Variants in OCA2 observed in about 807,000 individuals in gnomAD.
OCA2 encodes the protein P protein.
OCA2 carries 77 observed loss-of-function variants against 100.2 expected under a neutral mutation model. The observed-to-expected ratio is 0.77, with a 90% CI of 0.64 to 0.93. The LOEUF (loss-of-function observed/expected upper bound fraction) is 0.93. OCA2 is among the 40% of genes least tolerant of loss of function. OCA2 has a pLI of 0.00. For missense variants in OCA2, 1,062 were observed against 1,089.1 expected, an observed-to-expected ratio of 0.98 and a Z score of 0.35; for synonymous variants, 432 against 439.2, an observed-to-expected ratio of 0.98 and a Z score of 0.21.
At chr15:27,822,303 T>G (rs1401231552) in intron 23 of OCA2, among the ~76,000 whole-genome samples, 1 of 152,226 alleles carries the variant, frequency 6.6e-6, no homozygotes, top group Non-Finnish European at 1.5e-5. Flanking sequence ...CACTTTTTTG[T>G]GTCTGGCTTC....
chr15:27,910,753 C>T (rs1363033966), intron 19 of OCA2, among the ~76,000 whole-genome samples: 3 of 151,022 alleles, frequency 2.0e-5, no homozygotes, highest in Middle Eastern at 3.4e-3. Context: ...GTCAGGAGTT[C>T]GAGACCAGCC....
chr15:27,913,835 A>AAAGG (rs1567097524), intron 19 of OCA2, among the ~76,000 whole-genome samples: 25 of 54,878 alleles, frequency 4.6e-4, no homozygotes, highest in African/African-American at 1.6e-3. Flanking sequence ...AGAAAGAAAG[A>AAAGG]AAGGAAAGAA....
rs375356614 is a variant in OCA2, at chr15:28,047,887, A to G, written c.228-15724T>C. On this transcript the variant is annotated intron_variant, in intron 2 of 23. Transcript: ENST00000354638. ...TGTAGAAAATCCCAAAGAATCCACA[A>G]GAAAGCTACTGAGCTAATAAATTAA... Among the ~76,000 whole-genome samples the G allele has an allele frequency of 9.8e-4, 150 of 152,374 alleles. 5 individuals are homozygous for G. The South Asian group carries it at 0.031, about 32-fold the overall frequency.
chr15:28,081,689 A>C lies in OCA2; in HGVS notation c.186T>G (p.Ala62=). ...PRGAAGQSSW[A]PAGQEFASFL... is the part of the protein sequence containing the mutation. ...ATGAAGCAAACTCCTGGCCTGCAGG[A>C]GCCCAAGAGCTCTGCCCGGCAGCCC... The change falls in exon 2 of 24, where the codon GCT becomes GCG. Residue 62 remains alanine, a synonymous_variant. Transcript: ENST00000354638. 1 of 1,613,878 alleles carries C rather than the reference A, an allele frequency of 6.2e-7. No individual in the cohort carries two copies. Among genetic ancestry groups the C allele is most frequent in the Non-Finnish European group, 8.5e-7 (1 of 1,180,024 alleles).
intron 23 of OCA2, among the ~76,000 whole-genome samples, chr15:27,837,786 C>T (rs2035207849): frequency 6.6e-6 from 1 of 150,630 alleles, no homozygotes; most frequent in Non-Finnish European, 1.5e-5. Context: ...CCATCAAAGC[C>T]TGGCAGGGGA....
intron 19 of OCA2, among the ~76,000 whole-genome samples, chr15:27,905,563 G>A (rs1296750021): frequency 2.0e-5 from 3 of 152,206 alleles, no homozygotes; most frequent in Non-Finnish European, 4.4e-5. Flanking sequence ...GGGCCCATCT[G>A]GGGGCATGCA....
Position 27,989,654 on chromosome 15 carries a change from T to G in OCA2, c.1129A>C (p.Thr377Pro). The change falls in exon 11 of 24, where the codon ACC becomes CCC. Residue 377 changes from threonine to proline, a missense_variant. Transcript: ENST00000354638. ...AAATCAATCCACTCCACCACATGGG[T>G]CAGGCTGGGTCTCTGCAATCAAAGC... Reference protein sequence around the residue: ...LAVIGDRPSLTHVVEWIDFET... With the variant: ...LAVIGDRPSLPHVVEWIDFET... The G allele has an allele frequency of 6.2e-7, 1 of 1,613,916 alleles. No homozygotes were observed. Among genetic ancestry groups the G allele is most frequent in the Non-Finnish European group, 8.5e-7 (1 of 1,179,948 alleles).
intron 19 of OCA2, among the ~76,000 whole-genome samples, chr15:27,904,393 G>A (rs953194754): frequency 6.6e-6 from 1 of 152,206 alleles, no homozygotes; most frequent in Non-Finnish European, 1.5e-5. Flanking sequence ...GAGCTTTGGA[G>A]GACGGAAGAA....
chr15:28,004,595 TAC>T (rs896208234), intron 9 of OCA2, among the ~76,000 whole-genome samples: 1 of 151,642 alleles, frequency 6.6e-6, no homozygotes, highest in African/African-American at 2.4e-5. Flanking sequence ...CTAACTGGTA[TAC>T]ACAGACACAA....
chr15:27,902,906 C>T (rs1205157998), intron 19 of OCA2, among the ~76,000 whole-genome samples: 2 of 152,240 alleles, frequency 1.3e-5, no homozygotes, highest in Non-Finnish European at 2.9e-5. Context: ...GCGTCCCTAG[C>T]TGACACCTGA....
rs747689027 is a variant in OCA2 at position 28,018,429 on chromosome 15, C to T, written c.775G>A (p.Ala259Thr). Residue 259 changes from alanine (A) to threonine (T), a missense_variant, in exon 7 of 24, where the codon GCT (alanine) becomes ACT (threonine). Ala to Thr is a moderately conservative substitution (Grantham distance 58). Transcript: ENST00000354638. ...HIVVELTQAD[A>T]LGSRWRRPQQ... The stretch of plus-strand genomic sequence containing the variant: ...GGCCGCCGCCACCTGGAGCCCAAAG[C>T]GTCAGCCTGGGTCAGCTCCACCACG... The T allele has an allele frequency of 6.2e-6, 10 of 1,614,030 alleles. No homozygotes were observed. In the East Asian group the frequency reaches 8.9e-5, roughly 14 times the overall value.
chr15:27,786,239 T>G (rs1456345617), intron 23 of OCA2, among the ~76,000 whole-genome samples: 1 of 152,196 alleles, frequency 6.6e-6, no homozygotes, highest in Middle Eastern at 3.2e-3. Context: ...TTGTTCTTCT[T>G]CAAGATGTTT....
At position 27,871,224 on chromosome 15, in the gene OCA2, A is replaced by G. The variant is rs1409507253; in HGVS notation, c.2174T>C (p.Ile725Thr). The G allele has an allele frequency of 6.2e-7, 1 of 1,614,164 alleles. No homozygotes were observed. Among genetic ancestry groups the G allele is most frequent in the South Asian group, 1.1e-5 (1 of 91,086 alleles). Residue 725 changes from isoleucine to threonine, a missense_variant, in exon 21 of 24, where the codon ATT (isoleucine) becomes ACT (threonine). Ile to Thr is a moderately conservative substitution (Grantham distance 89). Transcript: ENST00000354638. ...GGCTGAGACCCACACCACCAGGACA[A>G]TGGCGGCTATGAGGCGCTGCTCCTC... ...VPEEQRLIAAIVLVVWVSALA... is the reference protein window; with the variant it reads ...VPEEQRLIAATVLVVWVSALA...
intron 19 of OCA2, among the ~76,000 whole-genome samples, chr15:27,925,454 C>G (rs2039009939): frequency 6.6e-6 from 1 of 152,162 alleles, no homozygotes; most frequent in South Asian, 2.1e-4. Flanking sequence ...ATATTTGGAG[C>G]CTTCAAAACA....
At chr15:27,874,743 A>G (rs2036717852) in intron 19 of OCA2, among the ~76,000 whole-genome samples, 1 of 152,208 alleles carries the variant, frequency 6.6e-6, no homozygotes, top group Non-Finnish European at 1.5e-5. Context: ...ATGACATTAA[A>G]CCACTAAAAA....
At chr15:27,891,254 T>C (rs1484739362) in intron 19 of OCA2, among the ~76,000 whole-genome samples, 3 of 152,226 alleles carry the variant, frequency 2.0e-5, no homozygotes, top group Admixed American at 1.3e-4. Context: ...GTCATGTATG[T>C]ATACTGTAGT....
At chr15:27,961,481 T>C (rs532452609) in intron 15 of OCA2, among the ~76,000 whole-genome samples, 1 of 152,332 alleles carries the variant, frequency 6.6e-6, no homozygotes, top group South Asian at 2.1e-4. Context: ...ATCATTCTAC[T>C]ATAAAGACAC....
downstream of OCA2, among the ~76,000 whole-genome samples, chr15:27,750,045 G>A (rs2030015584): frequency 6.6e-6 from 1 of 152,158 alleles, no homozygotes; most frequent in African/African-American, 2.4e-5. Flanking sequence ...AGAGTTAAGT[G>A]GGAAGAATCA....
intron 6 of OCA2, among the ~76,000 whole-genome samples, chr15:28,020,388 G>A (rs1030433141): frequency 2.0e-5 from 3 of 152,122 alleles, no homozygotes; most frequent in Admixed American, 6.5e-5. Context: ...AGTGTTCCCC[G>A]AAATCTCCCC....
Sources: allele counts gnomAD v4.1 joint callset (sites outside exome capture counted in the v4.1 genomes callset), GRCh38; gene constraint gnomAD v4.1.1; transcripts MANE v1.5; gene names NCBI Gene and HGNC (gene_info 2026-07-23, HGNC 2026-07-21).